ADGRE2: variants seen among roughly 807,000 people sequenced by gnomAD.
ADGRE2 encodes the protein adhesion G protein-coupled receptor E2, also known as CD97 antigen.
ADGRE2 carries 83 observed loss-of-function variants against 100.8 expected under a neutral mutation model. The observed-to-expected ratio is 0.82, with a 90% CI of 0.69 to 0.99. ADGRE2 has a LOEUF of 0.99. Among genes scored for constraint, ADGRE2 ranks in the 50% least tolerant of loss-of-function variants. The pLI is 0.00. For missense variants in ADGRE2, 814 were observed against 1,035.7 expected (o/e 0.79, Z 2.94); for synonymous variants, 355 against 413.0 (o/e 0.86, Z 1.70).
chr19:14,741,151 G>T (rs1451092445), intron 20 of ADGRE2, among the ~76,000 whole-genome samples: 2 of 143,638 alleles, frequency 1.4e-5, no homozygotes, highest in African/African-American at 2.7e-5. Context: ...GAGTACAGTG[G>T]CATGGGGCAA....
At position 14,755,287 on chromosome 19, in the gene ADGRE2, A is replaced by C. The variant is rs1482496790; in HGVS notation, c.1417-160T>G. On this transcript the variant is annotated intron_variant, in intron 13 of 20. Coordinates refer to ENST00000315576, the MANE Select transcript of ADGRE2 (RefSeq NM_013447.4). ...CATCTCTACTAAAAAAAAAAAAAAA[A>C]AAAAAAAATACAAAAATTAGCTGGG... is the stretch of plus-strand genomic sequence containing the variant. 6.4e-4 allele frequency among the ~76,000 whole-genome samples: 66 copies of C among 102,454 alleles called. 1 individual carries two copies. The highest frequency in any genetic ancestry group is 3.9e-3 in the South Asian group (9 of 2,326). 67.2% of individuals were successfully genotyped at this position (102,454 alleles called of 152,430 possible).
At chr19:14,725,846 T>C in the ADGRE2 span, among the ~76,000 whole-genome samples, 1 of 152,186 alleles carries the variant, frequency 6.6e-6, no homozygotes, top group South Asian at 2.1e-4. Context: ...TGCAGGTTTT[T>C]CAGGCAGAGG....
At chr19:14,747,345 A>T (rs1302504806) in intron 16 of ADGRE2, among the ~76,000 whole-genome samples, 6 of 152,018 alleles carry the variant, frequency 3.9e-5, no homozygotes, top group Non-Finnish European at 8.8e-5. Flanking sequence ...TACAAAAAAT[A>T]AAAAAATAGC....
intron 5 of ADGRE2, chr19:14,772,046 T>G: frequency 2.3e-6 from 1 of 438,578 alleles, no homozygotes; most frequent in Non-Finnish European, 4.2e-6. Flanking sequence ...CATCCTCATT[T>G]TATAGATGGG....
At chr19:14,771,621 CTTATTTATTTAT>C (rs369899556) in intron 5 of ADGRE2, among the ~76,000 whole-genome samples, 7,427 of 143,554 alleles carry the variant, frequency 0.052, 316 homozygotes, top group African/African-American at 0.12. Context: ...GCATCCATTG[CTTATTTATTTAT>C]TTATTTATTT....
intron 6 of ADGRE2, 40 bp from the exon 7 acceptor site, chr19:14,766,421 A>C: frequency 1.9e-6 from 3 of 1,560,534 alleles, no homozygotes; most frequent in Admixed American, 1.9e-5. Context: ...GTCCCTGACC[A>C]GCCTGGGCCT....
intron 11 of ADGRE2, among the ~76,000 whole-genome samples, chr19:14,763,914 T>G (rs1240407730): frequency 8.4e-6 from 1 of 119,522 alleles, no homozygotes; most frequent in Non-Finnish European, 1.7e-5. Context: ...CCATCCTCTT[T>G]CCTCCTCTTC....
Position 14,748,576 on chromosome 19 carries a change from G to A in ADGRE2, c.2025-1614C>T, listed in dbSNP as rs183079612. On this transcript the variant is annotated intron_variant, in intron 16 of 20. Coordinates refer to ENST00000315576, the MANE Select transcript of ADGRE2 (RefSeq NM_013447.4). ...CTCGCCTCGGCCTCCCAAAGTGCTGGGATTCCAGGTGTGAGCCACCGCACC... is the reference window on the plus strand; with the variant it reads ...CTCGCCTCGGCCTCCCAAAGTGCTGAGATTCCAGGTGTGAGCCACCGCACC... Among the ~76,000 whole-genome samples, 376 of 152,256 alleles carry A rather than the reference G, an allele frequency of 2.5e-3. 1 individual carries two copies. The highest frequency in any genetic ancestry group is 8.7e-3 in the African/African-American group (363 of 41,544).
intron 11 of ADGRE2, among the ~76,000 whole-genome samples, chr19:14,758,611 G>T (rs1293343479): frequency 6.6e-6 from 1 of 152,170 alleles, no homozygotes; most frequent in Non-Finnish European, 1.5e-5. Flanking sequence ...CTGGCTGGGC[G>T]CAGTGGCTCA....
rs1568633973 is a variant in ADGRE2, at chr19:14,776,978, A to ACG, written c.-171-52_-171-51insCG. Reference sequence around the variant, plus strand: ...AAAAACACAGAACCAGGGGCGCTGCACACACACACACACACACACACACAC... The same window carrying ACG: ...AAAAACACAGAACCAGGGGCGCTGCACGCACACACACACACACACACACACAC... On this transcript the variant is annotated intron_variant, in intron 1 of 20. Coordinates refer to ENST00000315576, the MANE Select transcript of ADGRE2 (RefSeq NM_013447.4). 53 of 217,724 alleles carry ACG rather than the reference A, an allele frequency of 2.4e-4. 2 individuals carry two copies. In the Middle Eastern group the frequency reaches 4.6e-3, roughly 19 times the overall value. The allele number at this position is 217,724 out of a possible 1,614,324, so 13.5% of individuals were successfully genotyped here.
chr19:14,776,972 C>T (rs1287070577), intron 1 of ADGRE2, 45 bp from the exon 2 acceptor site: 28 of 839,258 alleles, frequency 3.3e-5, no homozygotes, highest in Non-Finnish European at 4.5e-5. Context: ...GAACCAGGGG[C>T]GCTGCACACA....
rs1489009217 is a variant in ADGRE2 at position 14,773,288 on chromosome 19, C to T, written c.199+650G>A. ...CCCTTCATATTTTTTCCTTTTTCCT[C>T]CCTTCCTTCCTTCCTTCTTTCCTCC... On this transcript the variant is annotated intron_variant, in intron 4 of 20. Transcript: ENST00000315576. 3.4e-5 allele frequency among the ~76,000 whole-genome samples: 5 copies of T among 146,826 alleles called. No homozygotes were observed. The South Asian group carries it at 9.1e-4, about 27-fold the overall frequency.
chr19:14,768,982 G>C (rs1189226645), intron 5 of ADGRE2: 3 of 152,270 alleles, frequency 2.0e-5, no homozygotes, highest in Non-Finnish European at 4.4e-5. Flanking sequence ...TGTGGAGACT[G>C]TCTCATCCTG....
intron 2 of ADGRE2, among the ~76,000 whole-genome samples, chr19:14,775,587 G>C (rs1021415646): frequency 4.6e-5 from 7 of 151,976 alleles, no homozygotes; most frequent in Admixed American, 4.6e-4. Flanking sequence ...GGTCAGGCAC[G>C]GTGGCTCGGG....
Position 14,764,494 on chromosome 19 carries a change from G to A in ADGRE2, c.1023C>T (p.Leu341=), listed in dbSNP as rs1251294315. Reference sequence around the variant, plus strand: ...TGGAAAGGTTCTTGCTCAGGCCTCTGAGGACATCCTCTAGGCCATCCAGCA... The same window carrying A: ...TGGAAAGGTTCTTGCTCAGGCCTCTAAGGACATCCTCTAGGCCATCCAGCA... ...SHLLDGLEDV[L]RGLSKNLSNG... Residue 341 remains leucine, a synonymous_variant, in exon 11 of 21, where the codon CTC becomes CTT. Transcript: ENST00000315576. 6.2e-7 allele frequency: 1 copy of A among 1,613,024 alleles called. No homozygotes were observed. The highest frequency in any genetic ancestry group is 8.5e-7 in the Non-Finnish European group (1 of 1,179,976).
At chr19:14,777,919 G>T (rs1352987922) in intron 1 of ADGRE2, among the ~76,000 whole-genome samples, 1 of 152,198 alleles carries the variant, frequency 6.6e-6, no homozygotes, top group East Asian at 1.9e-4. Flanking sequence ...GTTGATTCCA[G>T]GTCTTTGCTA....
intron 11 of ADGRE2, among the ~76,000 whole-genome samples, chr19:14,763,735 CCTCCA>C (rs2147381251): frequency 7.9e-6 from 1 of 126,190 alleles, no homozygotes. Context: ...CTCCTCTCCT[CCTCCA>C]TTCCTCCTCC....
chr19:14,737,771 G>A (rs2042800940), intron 20 of ADGRE2, among the ~76,000 whole-genome samples: 1 of 152,032 alleles, frequency 6.6e-6, no homozygotes, highest in South Asian at 2.1e-4. Context: ...AGACCAGCCT[G>A]GCCAACATGG....
chr19:14,774,250 A>G lies in ADGRE2; in HGVS notation c.82+6T>C, dbSNP rs1429243966. The stretch of plus-strand genomic sequence containing the variant: ...GACTGTGCTTTCTGCTTCCCAGCAG[A>G]CTCACCCCTGGAGTCCTGGGTTTCA... On this transcript the variant is annotated splice_donor_region_variant and intron_variant, in intron 3 of 20. Coordinates refer to ENST00000315576, the MANE Select transcript of ADGRE2 (RefSeq NM_013447.4). The G allele has an allele frequency of 1.3e-6, 2 of 1,558,860 alleles. No homozygotes were observed. Among genetic ancestry groups the G allele is most frequent in the African/African-American group, 2.7e-5 (2 of 73,096 alleles).
Sources: gnomAD v4.1 joint callset for allele counts (sites outside exome capture counted in the v4.1 genomes callset) on GRCh38, gnomAD v4.1.1 for gene constraint, MANE v1.5 for transcripts, NCBI Gene and HGNC (gene_info 2026-07-23, HGNC 2026-07-21) for gene names.